SNX5: variants seen among roughly 807,000 people sequenced by gnomAD.
SNX5 encodes the protein sorting nexin 5.
SNX5 carries 31 observed loss-of-function variants against 53.9 expected under a neutral mutation model. That is an observed-to-expected ratio of 0.58 (90% CI 0.43 to 0.78). SNX5 has a LOEUF of 0.78. Among genes scored for constraint, SNX5 ranks in the 30% least tolerant of loss-of-function variants. The pLI is 0.00. For missense variants in SNX5, 471 were observed against 478.8 expected, an observed-to-expected ratio of 0.98 and a Z score of 0.15; for synonymous variants, 168 against 171.1, an observed-to-expected ratio of 0.98 and a Z score of 0.14.
intron 11 of SNX5, 77 bp downstream of exon 11, chr20:17,947,409 T>C (rs145575414): frequency 1.7e-5 from 26 of 1,513,642 alleles, no homozygotes; most frequent in Middle Eastern, 3.5e-4. Context: ...GGGTGTTTTT[T>C]GCACTATTTG....
intron 4 of SNX5, 92 bp from the exon 5 acceptor site, chr20:17,952,802 C>T: frequency 6.9e-7 from 1 of 1,458,026 alleles, no homozygotes; most frequent in South Asian, 1.4e-5. Context: ...CTGCTCATGC[C>T]ACCACATAAA....
chr20:17,968,758 A>C lies in SNX5; in HGVS notation c.-333T>G. ...CAGGGCCGCGACACGGACGGGAAGC[A>C]ACGGACACTCTCCCAGCAAGACGCG... On this transcript the variant is annotated 5_prime_UTR_variant, in exon 1 of 13. Transcript: ENST00000377759. 2.7e-6 allele frequency: 1 copy of C among 364,588 alleles called. No homozygotes were observed. Among genetic ancestry groups the C allele is most frequent in the Non-Finnish European group, 5.1e-6 (1 of 197,892 alleles). 22.6% of individuals were successfully genotyped at this position (364,588 alleles called of 1,614,324 possible). A position where few individuals can be genotyped will look rare whatever the true frequency, so the allele number is the denominator to read the frequency against.
At chr20:17,944,466 A>G (rs529127306) in intron 11 of SNX5, 4 of 152,386 alleles carry the variant, frequency 2.6e-5, no homozygotes, top group South Asian at 4.1e-4. Flanking sequence ...TTTAAATCCA[A>G]AACAGTGAAA....
In SNX5 at chr20:17,968,754, A is replaced by C. The variant is rs2035624385; in HGVS notation, c.-329T>G. 2 of 374,416 alleles carry C rather than the reference A, an allele frequency of 5.3e-6. No individual in the cohort carries two copies. Among genetic ancestry groups the C allele is most frequent in the Non-Finnish European group, 9.8e-6 (2 of 203,456 alleles). 23.2% of individuals were successfully genotyped at this position (374,416 alleles called of 1,614,324 possible). On this transcript the variant is annotated 5_prime_UTR_variant, in exon 1 of 13. Coordinates refer to ENST00000377759, the MANE Select transcript of SNX5 (RefSeq NM_014426.4). Reference sequence around the variant, plus strand: ...ACCGCAGGGCCGCGACACGGACGGGAAGCAACGGACACTCTCCCAGCAAGA... The same window carrying C: ...ACCGCAGGGCCGCGACACGGACGGGCAGCAACGGACACTCTCCCAGCAAGA...
intron 1 of SNX5, among the ~76,000 whole-genome samples, chr20:17,959,915 C>T (rs1247051099): frequency 6.6e-6 from 1 of 152,128 alleles, no homozygotes; most frequent in Non-Finnish European, 1.5e-5. Flanking sequence ...CTCCATCCCC[C>T]CTTAAGCTTG....
At chr20:17,965,425 A>T (rs186688372) in intron 1 of SNX5, among the ~76,000 whole-genome samples, 1 of 152,290 alleles carries the variant, frequency 6.6e-6, no homozygotes, top group Admixed American at 6.5e-5. Context: ...AATCTAGAAA[A>T]CTTAACAGCC....
At chr20:17,951,069 C>T (rs150424973) in intron 6 of SNX5, 107 of 160,732 alleles carry the variant, frequency 6.7e-4, no homozygotes, top group Non-Finnish European at 1.1e-3. Flanking sequence ...TTTGTGCTAA[C>T]GCCTTGAAAT....
intron 8 of SNX5, among the ~76,000 whole-genome samples, chr20:17,949,448 G>A (rs2295456): frequency 0.26 from 39,961 of 152,030 alleles, 5,748 homozygotes; most frequent in East Asian, 0.44. Flanking sequence ...TATTTAATTC[G>A]TCATGGTTCT....
intron 1 of SNX5, among the ~76,000 whole-genome samples, chr20:17,965,193 A>C (rs1030539472): frequency 2.6e-5 from 4 of 152,134 alleles, no homozygotes; most frequent in Non-Finnish European, 4.4e-5. Context: ...CAAACAGGCA[A>C]TTTTGACTTC....
At position 17,951,382 on chromosome 20, in the gene SNX5, A is replaced by C. The variant is rs2122368665; in HGVS notation, c.609+118T>G. 1.1e-5 allele frequency: 7 copies of C among 663,144 alleles called. No homozygotes were observed. The South Asian group carries it at 1.3e-4, about 12-fold the overall frequency. 41.1% of individuals were successfully genotyped at this position (663,144 alleles called of 1,614,324 possible). A position where few individuals can be genotyped will look rare whatever the true frequency, so the allele number is the denominator to read the frequency against. ...GATGAAAATTACCAAAATCTGAAGA[A>C]CACTTACATGTCTTAAAAGTTAACC... On this transcript the variant is annotated intron_variant, in intron 6 of 12. Coordinates refer to ENST00000377759, the MANE Select transcript of SNX5 (RefSeq NM_014426.4).
In SNX5 at chr20:17,949,206, C is replaced by T. The variant is rs2122359624; in HGVS notation, c.792-103G>A. The T allele has an allele frequency of 4.5e-6, 4 of 898,134 alleles. No homozygotes were observed. In the Middle Eastern group the frequency reaches 1.0e-3, roughly 231 times the overall value. The allele number at this position is 898,134 out of a possible 1,614,324, so 55.6% of individuals were successfully genotyped here. ...AATGGGTCAACTCAGGAGTCCTAGC[C>T]TTTGGTACTTTAGCATTAATTTAAA... On this transcript the variant is annotated intron_variant, in intron 8 of 12. Coordinates refer to ENST00000377759, the MANE Select transcript of SNX5 (RefSeq NM_014426.4).
Position 17,960,115 on chromosome 20 carries a change from C to T in SNX5, c.52-3078G>A, listed in dbSNP as rs535511805. Among the ~76,000 whole-genome samples, 8 of 152,324 alleles carry T rather than the reference C, an allele frequency of 5.3e-5. No homozygotes were observed. The South Asian group carries it at 1.7e-3, about 32-fold the overall frequency. On this transcript the variant is annotated intron_variant, in intron 1 of 12. Transcript: ENST00000377759. ...CCTCTTTTCCAGATCCCTTAGGTCA[C>T]TTGTAAGAATCAAATTGAAAATATA... is the stretch of plus-strand genomic sequence containing the variant.
intron 4 of SNX5, 88 bp from the exon 5 acceptor site, chr20:17,952,798 A>C: frequency 6.8e-7 from 1 of 1,463,922 alleles, no homozygotes; most frequent in Non-Finnish European, 9.2e-7. Context: ...GGCCCTGCTC[A>C]TGCCACCACA....
In SNX5 at chr20:17,950,235, T is replaced by G. The variant is rs765785980; in HGVS notation, c.716-28A>C. Reference sequence around the variant, plus strand: ...GCAGAAACAAGGACAAGTCTTTTTATCCAAACACAGCCAGGCTCATCAGCA... The same window carrying G: ...GCAGAAACAAGGACAAGTCTTTTTAGCCAAACACAGCCAGGCTCATCAGCA... On this transcript the variant is annotated intron_variant, in intron 7 of 12. Coordinates refer to ENST00000377759, the MANE Select transcript of SNX5 (RefSeq NM_014426.4). 6 of 1,613,586 alleles carry G rather than the reference T, an allele frequency of 3.7e-6. No individual in the cohort carries two copies. In the African/African-American group the frequency reaches 6.7e-5, roughly 18 times the overall value.
chr20:17,956,806 TTCTC>T (rs1210386611), intron 2 of SNX5, 123 bp downstream of exon 2: 2 of 599,390 alleles, frequency 3.3e-6, no homozygotes, highest in African/African-American at 3.7e-5. Flanking sequence ...ATTAGGGAGG[TTCTC>T]ACTTAATAGT....
Position 17,943,212 on chromosome 20 carries a change from T to A in SNX5, c.1079-17A>T. 6.5e-7 allele frequency: 1 copy of A among 1,544,220 alleles called. No individual in the cohort carries two copies. Among genetic ancestry groups the A allele is most frequent in the Non-Finnish European group, 8.9e-7 (1 of 1,121,158 alleles). ...TTATCAGTTCTACAGGAAGAAAAAA[T>A]GTTTATGAAACCAAGAAAAACTAAA... On this transcript the variant is annotated splice_polypyrimidine_tract_variant and intron_variant, in intron 11 of 12. Coordinates refer to ENST00000377759, the MANE Select transcript of SNX5 (RefSeq NM_014426.4).
At position 17,942,189 on chromosome 20, in the gene SNX5, T is replaced by C; in HGVS notation, c.*168A>G. The C allele has an allele frequency of 1.7e-6, 1 of 599,204 alleles. No individual in the cohort carries two copies. Among genetic ancestry groups the C allele is most frequent in the Non-Finnish European group, 3.0e-6 (1 of 336,798 alleles). The allele number at this position is 599,204 out of a possible 1,614,324, so 37.1% of individuals were successfully genotyped here. On this transcript the variant is annotated 3_prime_UTR_variant, in exon 13 of 13. Coordinates refer to ENST00000377759, the MANE Select transcript of SNX5 (RefSeq NM_014426.4). ...TATGTCCAAGTAGCAAGCAATAATA[T>C]TTTTAAACCAACATGGTTAAATGTT...
At chr20:17,950,960 G>T (rs184891722) in intron 6 of SNX5, 2 of 158,308 alleles carry the variant, frequency 1.3e-5, no homozygotes, top group African/African-American at 4.8e-5. Flanking sequence ...GACAGTAATT[G>T]TAAGGGTAAC....
At chr20:17,947,991 G>C (rs1476931599) in intron 10 of SNX5, among the ~76,000 whole-genome samples, 4 of 152,204 alleles carry the variant, frequency 2.6e-5, no homozygotes, top group African/African-American at 9.7e-5. Flanking sequence ...AAGTCAAGTT[G>C]AGCGCTGCTA....
Sources: allele counts gnomAD v4.1 joint callset (sites outside exome capture counted in the v4.1 genomes callset), GRCh38; gene constraint gnomAD v4.1.1; transcripts MANE v1.5; gene names NCBI Gene and HGNC (gene_info 2026-07-23, HGNC 2026-07-21).